Variants in RHNO1 observed in about 807,000 individuals in gnomAD.
RHNO1 encodes RAD9-HUS1-RAD1 interacting nuclear orphan 1, also known as RAD9, HUS1, RAD1-interacting nuclear orphan protein 1.
A neutral mutation model predicts 7.2 loss-of-function variants in RHNO1; 9 were observed. That is an observed-to-expected ratio of 1.25 (90% CI 0.75 to 2.18). The LOEUF is 2.18. Among genes scored for constraint, RHNO1 ranks in the 30% most tolerant of loss-of-function variants. The pLI is 0.00. For missense variants in RHNO1, 292 were observed against 284.5 expected, an observed-to-expected ratio of 1.03 and a Z score of -0.19; for synonymous variants, 95 against 107.5, an observed-to-expected ratio of 0.88 and a Z score of 0.72.
Position 2,888,169 on chromosome 12 carries a change from C to T in RHNO1, c.427C>T (p.Gln143Ter). Residue 143 changes from glutamine to a stop codon, truncating the protein, a stop_gained, in exon 3 of 3, where the codon CAG becomes TAG. Coordinates refer to ENST00000489288, the MANE Select transcript of RHNO1 (RefSeq NM_001252499.3). LOFTEE classifies it low-confidence loss of function (END_TRUNC). Reference protein sequence around the residue: ...SPQSCGNMSVQALQSLPYVFI... With the variant: ...SPQSCGNMSV ...CCAAAGCTGTGGGAACATGTCAGTG[C>T]AGGCACTTCAGAGCTTACCTTATGT... The T allele has an allele frequency of 1.9e-6, 3 of 1,614,102 alleles. No individual in the cohort carries two copies. Among genetic ancestry groups the T allele is most frequent in the Non-Finnish European group, 2.5e-6 (3 of 1,180,014 alleles).
In RHNO1 at chr12:2,887,892, C is replaced by CTT. The variant is rs75958137; in HGVS notation, c.169-5_169-4dup. The stretch of plus-strand genomic sequence containing the variant: ...TTAGTACTTAGTTAGGCTCACCTCA[C>CTT]TTTTTTTTTTTTTTTAAGGTATCAC... On this transcript the variant is annotated intron_variant, in intron 2 of 2. Coordinates refer to ENST00000489288, the MANE Select transcript of RHNO1 (RefSeq NM_001252499.3). The CTT allele has an allele frequency of 1.7e-3, 2,367 of 1,365,476 alleles. No individual in the cohort carries two copies. Among genetic ancestry groups the CTT allele is most frequent in the South Asian group, 4.1e-3 (275 of 66,580 alleles). 84.6% of individuals were successfully genotyped at this position (1,365,476 alleles called of 1,614,324 possible).
At chr12:2,877,466 C>G (rs1001252557) in intron 1 of RHNO1, among the ~76,000 whole-genome samples, 184 bp downstream of exon 1, 4 of 152,212 alleles carry the variant, frequency 2.6e-5, no homozygotes, top group African/African-American at 7.2e-5. Context: ...CCAGGCGACA[C>G]GCCCCCGCTT....
rs1207317719 is a variant in RHNO1, at chr12:2,888,596, C to T, written c.*137C>T. 3.1e-6 allele frequency: 2 copies of T among 639,596 alleles called. No individual in the cohort carries two copies. Among genetic ancestry groups the T allele is most frequent in the African/African-American group, 1.8e-5 (1 of 54,858 alleles). The allele number at this position is 639,596 out of a possible 1,614,324, so 39.6% of individuals were successfully genotyped here. A position where few individuals can be genotyped will look rare whatever the true frequency, so the allele number is the denominator to read the frequency against. ...AGGCTGGAGTGCAGTGGTATGATCT[C>T]ACCTTACTGCAACCACCACTTCCTG... On this transcript the variant is annotated 3_prime_UTR_variant, in exon 3 of 3. Transcript: ENST00000489288.
At chr12:2,887,856 C>T (rs997907082) in intron 2 of RHNO1, 55 bp from the exon 3 acceptor site, 622 of 1,402,046 alleles carry the variant, frequency 4.4e-4, no homozygotes, top group Non-Finnish European at 5.5e-4. Context: ...GATACAGTTT[C>T]CTCTCTTAGG....
chr12:2,888,318 A>G lies in RHNO1; in HGVS notation c.576A>G (p.Pro192=), dbSNP rs936976661. 3.7e-6 allele frequency: 6 copies of G among 1,614,168 alleles called. No homozygotes were observed. Among genetic ancestry groups the G allele is most frequent in the Non-Finnish European group, 5.1e-6 (6 of 1,180,028 alleles). Residue 192 remains proline (P), a synonymous_variant, in exon 3 of 3, where the codon CCA becomes CCG. Transcript: ENST00000489288. Reference sequence around the variant, plus strand: ...TTCACACTGGCACTCCTAATAGCCCAGAGCCTGGACCTGTTCTGGTTAAAG... The same window carrying G: ...TTCACACTGGCACTCCTAATAGCCCGGAGCCTGGACCTGTTCTGGTTAAAG... ...CTLHTGTPNS[P]EPGPVLVKDT...
intron 1 of RHNO1, among the ~76,000 whole-genome samples, chr12:2,882,709 T>C (rs2098159491): frequency 6.6e-6 from 1 of 151,416 alleles, no homozygotes; most frequent in African/African-American, 2.4e-5. Context: ...TCTCAAAAGA[T>C]AAAAGTATAG....
At chr12:2,886,700 T>C (rs2098166028) in intron 2 of RHNO1, among the ~76,000 whole-genome samples, 2 of 145,534 alleles carry the variant, frequency 1.4e-5, no homozygotes, top group African/African-American at 2.5e-5. Flanking sequence ...GAAGAGAATA[T>C]AGCTACTATA....
chr12:2,888,695 T>C lies in RHNO1; in HGVS notation c.*236T>C. The C allele has an allele frequency of 2.9e-6, 1 of 344,534 alleles. No individual in the cohort carries two copies. The allele number at this position is 344,534 out of a possible 1,614,324, so 21.3% of individuals were successfully genotyped here. A position where few individuals can be genotyped will look rare whatever the true frequency, so the allele number is the denominator to read the frequency against. Reference sequence around the variant, plus strand: ...GGCACCAGCCACCATGCCTGGCTAATTTTTTTGTATTTTTAGTAGAGATGT... The same window carrying C: ...GGCACCAGCCACCATGCCTGGCTAACTTTTTTGTATTTTTAGTAGAGATGT... On this transcript the variant is annotated 3_prime_UTR_variant, in exon 3 of 3. Coordinates refer to ENST00000489288, the MANE Select transcript of RHNO1 (RefSeq NM_001252499.3).
Position 2,885,542 on chromosome 12 carries a change from C to A in RHNO1, c.168+8C>A. On this transcript the variant is annotated splice_region_variant and intron_variant, in intron 2 of 2. Coordinates refer to ENST00000489288, the MANE Select transcript of RHNO1 (RefSeq NM_001252499.3). ...AGCACCATCACTTCCTGGGTAGGCC[C>A]ATGGGATTACTATTTGACATTTTTT... 4 of 1,389,392 alleles carry A rather than the reference C, an allele frequency of 2.9e-6. No homozygotes were observed. The highest frequency in any genetic ancestry group is 3.0e-6 in the Non-Finnish European group (3 of 1,003,930). The allele number at this position is 1,389,392 out of a possible 1,614,324, so 86.1% of individuals were successfully genotyped here.
At chr12:2,879,990 C>A (rs1169777104) in intron 1 of RHNO1, among the ~76,000 whole-genome samples, 1 of 152,044 alleles carries the variant, frequency 6.6e-6, no homozygotes, top group Non-Finnish European at 1.5e-5. Context: ...GAAGTAAAGT[C>A]ATTTGTTAAG....
At chr12:2,885,618 A>G (rs2098164692) in intron 2 of RHNO1, 84 bp downstream of exon 2, 1 of 1,211,942 alleles carries the variant, frequency 8.3e-7, no homozygotes, top group East Asian at 2.7e-5. Context: ...TCTATCGCCC[A>G]GGCTGGAGCA....
rs10558952 is a variant in RHNO1 at position 2,885,561 on chromosome 12, ATTTTTTTTTTTTTTT to A, written c.168+44_168+58del. The stretch of plus-strand genomic sequence containing the variant: ...TAGGCCCATGGGATTACTATTTGAC[ATTTTTTTTTTTTTTT>A]TTTTTTTTTTTTTTTTGAGACGGAG... On this transcript the variant is annotated intron_variant, in intron 2 of 2. Coordinates refer to ENST00000489288, the MANE Select transcript of RHNO1 (RefSeq NM_001252499.3). 2.3e-4 allele frequency: 92 copies of A among 399,326 alleles called. 1 individual carries two copies. Among genetic ancestry groups the A allele is most frequent in the East Asian group, 5.5e-4 (5 of 9,088 alleles). The allele number at this position is 399,326 out of a possible 1,614,324, so 24.7% of individuals were successfully genotyped here. A position where few individuals can be genotyped will look rare whatever the true frequency, so the allele number is the denominator to read the frequency against.
chr12:2,882,530 T>C (rs940765663), intron 1 of RHNO1, among the ~76,000 whole-genome samples: 33 of 151,804 alleles, frequency 2.2e-4, no homozygotes, highest in Non-Finnish European at 2.9e-5. Flanking sequence ...TGGTGAAACC[T>C]CATCTCTACT....
At chr12:2,887,522 G>A (rs914833684) in intron 2 of RHNO1, among the ~76,000 whole-genome samples, 6 of 150,736 alleles carry the variant, frequency 4.0e-5, no homozygotes, top group African/African-American at 1.2e-4. Flanking sequence ...GGTGGCAGGC[G>A]CCTGTAGTCC....
At chr12:2,882,304 AT>A in intron 1 of RHNO1, among the ~76,000 whole-genome samples, 2 of 151,044 alleles carry the variant, frequency 1.3e-5, no homozygotes, top group Non-Finnish European at 2.9e-5. Flanking sequence ...AAATAAATAA[AT>A]AAATAAATAA....
At chr12:2,884,475 C>T (rs1360966591) in intron 1 of RHNO1, among the ~76,000 whole-genome samples, 2 of 152,244 alleles carry the variant, frequency 1.3e-5, no homozygotes, top group African/African-American at 2.4e-5. Flanking sequence ...GATCAGCCTG[C>T]CTCAGCCTCC....
chr12:2,883,292 C>T (rs2098160620), intron 1 of RHNO1, among the ~76,000 whole-genome samples: 1 of 150,450 alleles, frequency 6.6e-6, no homozygotes, highest in Non-Finnish European at 1.5e-5. Flanking sequence ...GGGAGGATCA[C>T]CTGAGCCTGG....
intron 1 of RHNO1, among the ~76,000 whole-genome samples, chr12:2,879,300 G>A (rs1237268263): frequency 1.3e-5 from 2 of 151,366 alleles, no homozygotes; most frequent in Non-Finnish European, 2.9e-5. Flanking sequence ...CACTGTGCGC[G>A]GCCAAGTTCA....
At chr12:2,878,305 C>T (rs1254892023) in intron 1 of RHNO1, among the ~76,000 whole-genome samples, 1 of 152,100 alleles carries the variant, frequency 6.6e-6, no homozygotes, top group Non-Finnish European at 1.5e-5. Flanking sequence ...GGTGTGAGAT[C>T]TGATGCCTTT....
Sources: gnomAD v4.1 joint callset for allele counts (sites outside exome capture counted in the v4.1 genomes callset) on GRCh38, gnomAD v4.1.1 for gene constraint, MANE v1.5 for transcripts, NCBI Gene and HGNC (gene_info 2026-07-23, HGNC 2026-07-21) for gene names.